DENND2B: variants seen among roughly 807,000 people sequenced by gnomAD.
DENND2B encodes DENN domain-containing protein 2B.
A neutral mutation model predicts 116.0 loss-of-function variants in DENND2B; 32 were observed. The ratio of observed to expected loss-of-function variants is 0.28; its 90% CI spans 0.21 to 0.37. The LOEUF is 0.37. DENND2B is among the 10% of genes least tolerant of loss of function. The pLI, the probability that DENND2B is intolerant of heterozygous loss-of-function variation, is 1.00. For synonymous variants in DENND2B, 588 were observed against 583.9 expected, an observed-to-expected ratio of 1.01 and a Z score of -0.10; for missense variants, 1,276 against 1,477.7, an observed-to-expected ratio of 0.86 and a Z score of 2.24.
intron 2 of DENND2B, among the ~76,000 whole-genome samples, chr11:8,865,369 G>T (rs2063539624): frequency 6.6e-6 from 1 of 152,026 alleles, no homozygotes; most frequent in Non-Finnish European, 1.5e-5. Flanking sequence ...ACTCCAAAAG[G>T]CTCCTTCCAG....
At chr11:8,792,678 A>C (rs1442390161) in intron 1 of DENND2B, among the ~76,000 whole-genome samples, 1 of 152,238 alleles carries the variant, frequency 6.6e-6, no homozygotes, top group Non-Finnish European at 1.5e-5. Context: ...AAAAGATGCT[A>C]ATTTCATTAA....
chr11:8,778,857 A>G (rs1044463910), intron 1 of DENND2B, among the ~76,000 whole-genome samples: 1 of 152,246 alleles, frequency 6.6e-6, no homozygotes, highest in Non-Finnish European at 1.5e-5. Context: ...GGTAAAGATG[A>G]AAGGGCAGTT....
At position 8,694,077 on chromosome 11, in the gene DENND2B, CT is replaced by C; in HGVS notation, c.*18del. 1.9e-6 allele frequency: 3 copies of C among 1,614,086 alleles called. No homozygotes were observed. Among genetic ancestry groups the C allele is most frequent in the Non-Finnish European group, 2.5e-6 (3 of 1,179,996 alleles). On this transcript the variant is annotated 3_prime_UTR_variant, in exon 20 of 20. Coordinates refer to ENST00000313726, the MANE Select transcript of DENND2B (RefSeq NM_213618.2). ...TTCAGGCTCTGCAAGGCACTGGACT[CT>C]GCTACTGAGAAGGAGGCTTAATTCT...
intron 1 of DENND2B, among the ~76,000 whole-genome samples, chr11:8,772,429 A>G (rs10769956): frequency 0.7 from 105,660 of 151,748 alleles, 37,289 homozygotes; most frequent in East Asian, 0.84. Context: ...CACTTAATCT[A>G]TGGAGATTAT....
At chr11:8,694,614 A>C (rs1449327166) in intron 19 of DENND2B, 1 of 456,474 alleles carries the variant, frequency 2.2e-6, no homozygotes, top group East Asian at 6.9e-5. Context: ...TGTCCTCCAT[A>C]TCCATGAGTT....
In DENND2B at chr11:8,714,649, T is replaced by A; in HGVS notation, c.1903A>T (p.Lys635Ter). ...GTTTCAATGCTGGACATAGACAACT[T>A]TTTTAATCTCTTCTTTCCTCTCTTG... ...NAKRGKKRLKKLSMSSIETAS... is the reference protein window; with the variant it reads ...NAKRGKKRLK Residue 635 changes from lysine to a stop codon, truncating the protein, a stop_gained, in exon 7 of 20, where the codon AAG becomes TAG. Coordinates refer to ENST00000313726, the MANE Select transcript of DENND2B (RefSeq NM_213618.2). LOFTEE classifies it high-confidence loss of function. 1 of 1,614,226 alleles carries A rather than the reference T, an allele frequency of 6.2e-7. No individual in the cohort carries two copies. Among genetic ancestry groups the A allele is most frequent in the South Asian group, 1.1e-5 (1 of 91,082 alleles).
At chr11:8,735,753 A>G (rs1230801493) in intron 2 of DENND2B, among the ~76,000 whole-genome samples, 1 of 152,236 alleles carries the variant, frequency 6.6e-6, no homozygotes, top group African/African-American at 2.4e-5. Flanking sequence ...AAGGAGGGTC[A>G]GGAGAGTCTC....
At chr11:8,907,951 C>G (rs2064260184) in intron 1 of DENND2B, among the ~76,000 whole-genome samples, 1 of 152,170 alleles carries the variant, frequency 6.6e-6, no homozygotes, top group Non-Finnish European at 1.5e-5. Context: ...ATCCTTCCAC[C>G]TCAACCTCCT....
intron 4 of DENND2B, among the ~76,000 whole-genome samples, chr11:8,817,208 G>T (rs1470766280): frequency 1.3e-5 from 2 of 152,176 alleles, no homozygotes; most frequent in Non-Finnish European, 2.9e-5. Context: ...ACATTGAACA[G>T]CTGACAATAC....
At chr11:8,834,092 G>A (rs1566031776) in intron 4 of DENND2B, among the ~76,000 whole-genome samples, 1 of 152,200 alleles carries the variant, frequency 6.6e-6, no homozygotes, top group Admixed American at 6.5e-5. Context: ...AGCTGTGACT[G>A]TACTTCTTTG....
intron 1 of DENND2B, among the ~76,000 whole-genome samples, chr11:8,805,294 G>C (rs185639865): frequency 1.3e-5 from 2 of 152,188 alleles, no homozygotes; most frequent in East Asian, 3.8e-4. Context: ...AAGAGTCACT[G>C]AGAGTTGAAC....
chr11:8,826,125 C>T (rs955862542), intron 4 of DENND2B, among the ~76,000 whole-genome samples: 4 of 152,120 alleles, frequency 2.6e-5, no homozygotes, highest in Non-Finnish European at 5.9e-5. Flanking sequence ...CGCTTTTATC[C>T]CCACGGAGTC....
intron 2 of DENND2B, among the ~76,000 whole-genome samples, chr11:8,739,899 T>C (rs1451538549): frequency 6.6e-6 from 1 of 152,148 alleles, no homozygotes; most frequent in Non-Finnish European, 1.5e-5. Context: ...AGAAAAAGTA[T>C]TGTGGGCCAG....
intron 3 of DENND2B, 132 bp downstream of exon 3, chr11:8,729,818 A>G: frequency 8.1e-7 from 1 of 1,228,984 alleles, no homozygotes; most frequent in Non-Finnish European, 1.1e-6. Context: ...ACTACCACCT[A>G]ACAATTATTC....
chr11:8,702,991 G>A lies in DENND2B; in HGVS notation c.2572-271C>T. On this transcript the variant is annotated intron_variant, in intron 13 of 19. Transcript: ENST00000313726. The surrounding 1 kb of genome is among the most constrained non-coding windows in gnomAD (Gnocchi z 4.6). ...AAGGAGTTGAGGGGCCATCCATCGG[G>A]ACCTCAGGAAGAGAGGAGAGCTGAC... 8.8e-6 allele frequency: 4 copies of A among 456,844 alleles called. No individual in the cohort carries two copies. Among genetic ancestry groups the A allele is most frequent in the Non-Finnish European group, 4.0e-6 (1 of 251,804 alleles). 28.3% of individuals were successfully genotyped at this position (456,844 alleles called of 1,614,324 possible). A position where few individuals can be genotyped will look rare whatever the true frequency, so the allele number is the denominator to read the frequency against.
At chr11:8,745,725 T>C (rs1385992278) in intron 2 of DENND2B, among the ~76,000 whole-genome samples, 1 of 152,236 alleles carries the variant, frequency 6.6e-6, no homozygotes. Flanking sequence ...CCTTGTTCTC[T>C]TGGGATTCTT....
chr11:8,906,196 CT>C (rs869138688), intron 1 of DENND2B, among the ~76,000 whole-genome samples: 2 of 122,740 alleles, frequency 1.6e-5, no homozygotes, highest in South Asian at 5.1e-4. Flanking sequence ...ATAAAGAAGT[CT>C]TTTTTTTCTT....
chr11:8,777,251 A>C (rs2057842548), intron 1 of DENND2B, among the ~76,000 whole-genome samples: 1 of 151,764 alleles, frequency 6.6e-6, no homozygotes, highest in Non-Finnish European at 1.5e-5. Context: ...CAGGCACCCC[A>C]CCTTGGATAG....
At chr11:8,720,041 C>T (rs1184054244) in intron 4 of DENND2B, among the ~76,000 whole-genome samples, 4 of 152,114 alleles carry the variant, frequency 2.6e-5, no homozygotes, top group Non-Finnish European at 4.4e-5. Flanking sequence ...ATCTCCTTAG[C>T]TATAACAGCC....
Sources: allele counts gnomAD v4.1 joint callset (sites outside exome capture counted in the v4.1 genomes callset), GRCh38; gene constraint gnomAD v4.1.1; non-coding constraint Gnocchi (gnomAD v3.1); transcripts MANE v1.5; gene names NCBI Gene and HGNC (gene_info 2026-07-23, HGNC 2026-07-21).